Variants in CNTNAP2 observed in about 807,000 individuals in gnomAD.
CNTNAP2 encodes the protein contactin-associated protein-like 2.
In CNTNAP2, 98 loss-of-function variants were observed where a neutral mutation model predicts 155.2. The observed-to-expected ratio is 0.63, with a 90% CI of 0.54 to 0.75. The LOEUF is 0.75. Ranked by LOEUF, CNTNAP2 falls within the 30% of genes least tolerant of loss-of-function variation. CNTNAP2 has a pLI of 0.00. For synonymous variants in CNTNAP2, 651 were observed against 631.2 expected (o/e 1.03, Z -0.47); for missense variants, 1,727 against 1,688.1 (o/e 1.02, Z -0.40).
intron 1 of CNTNAP2, among the ~76,000 whole-genome samples, chr7:146,136,917 G>T (rs868355414): frequency 5.3e-5 from 8 of 152,180 alleles, no homozygotes; most frequent in African/African-American, 1.7e-4. Context: ...GAAACAGACA[G>T]AATGTTTTAG....
chr7:147,388,845 G>C (rs1487321025), intron 9 of CNTNAP2, among the ~76,000 whole-genome samples: 3 of 152,180 alleles, frequency 2.0e-5, no homozygotes, highest in Non-Finnish European at 2.9e-5. Context: ...ATCCCAAAGT[G>C]CTGAGATTAC....
intron 11 of CNTNAP2, among the ~76,000 whole-genome samples, chr7:147,491,374 C>T (rs1482140462): frequency 1.3e-5 from 2 of 152,140 alleles, no homozygotes. Context: ...TAGTACATTT[C>T]TACTCCTCCC....
At chr7:148,313,416 G>A (rs535267989) in intron 21 of CNTNAP2, among the ~76,000 whole-genome samples, 2 of 151,942 alleles carry the variant, frequency 1.3e-5, no homozygotes, top group Non-Finnish European at 2.9e-5. Flanking sequence ...TGAACAGTCC[G>A]ATTTTCAGTG....
At chr7:147,402,458 G>A (rs1796934050) in intron 10 of CNTNAP2, among the ~76,000 whole-genome samples, 1 of 152,166 alleles carries the variant, frequency 6.6e-6, no homozygotes, top group African/African-American at 2.4e-5. Flanking sequence ...TGTGTTTAAG[G>A]TGACAGCTAT....
chr7:147,920,642 C>T (rs1373727097), intron 14 of CNTNAP2, among the ~76,000 whole-genome samples: 1 of 152,052 alleles, frequency 6.6e-6, no homozygotes. Context: ...ATGTCTGAGT[C>T]CCTGCTATAT....
intron 1 of CNTNAP2, among the ~76,000 whole-genome samples, chr7:146,360,898 A>G (rs1456707815): frequency 2.6e-5 from 4 of 152,204 alleles, no homozygotes; most frequent in African/African-American, 7.2e-5. Flanking sequence ...TGATTCATCA[A>G]TTCGTGGCCT....
intron 4 of CNTNAP2, among the ~76,000 whole-genome samples, chr7:147,078,126 A>ATCAGC (rs1474662306): frequency 3.3e-5 from 5 of 152,332 alleles, no homozygotes; most frequent in Admixed American, 2.6e-4. Context: ...GATATTTTTC[A>ATCAGC]TCAGCACAAA....
chr7:146,721,315 T>C lies in CNTNAP2; in HGVS notation c.98-52956T>C, dbSNP rs940538869. ...ATATTCTATATATGTATTCTATATA[T>C]ATTCTATATATACATTCTATATACA... On this transcript the variant is annotated intron_variant, in intron 1 of 23. Transcript: ENST00000361727. Among the ~76,000 whole-genome samples the C allele has an allele frequency of 3.1e-3, 360 of 117,318 alleles. 15 individuals are homozygous for C. The highest frequency in any genetic ancestry group is 0.011 in the East Asian group (48 of 4,508). The allele number at this position is 117,318 out of a possible 152,430, so 77.0% of individuals were successfully genotyped here. A position where few individuals can be genotyped will look rare whatever the true frequency, so the allele number is the denominator to read the frequency against.
At chr7:146,927,309 T>C (rs1796627728) in intron 3 of CNTNAP2, among the ~76,000 whole-genome samples, 1 of 152,114 alleles carries the variant, frequency 6.6e-6, no homozygotes, top group Non-Finnish European at 1.5e-5. Flanking sequence ...GAAAACTGTA[T>C]TTGCTGAAAG....
intron 1 of CNTNAP2, among the ~76,000 whole-genome samples, chr7:146,450,631 G>C (rs1321737583): frequency 6.6e-6 from 1 of 152,112 alleles, no homozygotes; most frequent in South Asian, 2.1e-4. Flanking sequence ...TATTTTACTG[G>C]TGAAAACAAA....
chr7:146,710,868 T>C (rs1346481005), intron 1 of CNTNAP2, among the ~76,000 whole-genome samples: 1 of 152,042 alleles, frequency 6.6e-6, no homozygotes, highest in Non-Finnish European at 1.5e-5. Flanking sequence ...CACTCATATA[T>C]ATCCGGTCTT....
chr7:146,855,312 C>T (rs1027363327), intron 3 of CNTNAP2, among the ~76,000 whole-genome samples: 1 of 152,042 alleles, frequency 6.6e-6, no homozygotes, highest in Non-Finnish European at 1.5e-5. Flanking sequence ...ATTCTTCAAC[C>T]CAACTATCTC....
At chr7:148,375,803 G>A (rs1798974582) in intron 21 of CNTNAP2, among the ~76,000 whole-genome samples, 1 of 13,930 alleles carries the variant, frequency 7.2e-5, no homozygotes, top group African/African-American at 1.1e-4. Context: ...GACCAACCTG[G>A]CCAAGATGGT....
intron 15 of CNTNAP2, among the ~76,000 whole-genome samples, chr7:148,110,655 T>C (rs1804328266): frequency 6.6e-6 from 1 of 152,044 alleles, no homozygotes. Flanking sequence ...GCTGTGGAGC[T>C]CCAAGAGGCC....
At chr7:148,335,379 G>A (rs1329498230) in intron 21 of CNTNAP2, among the ~76,000 whole-genome samples, 1 of 152,144 alleles carries the variant, frequency 6.6e-6, no homozygotes, top group Non-Finnish European at 1.5e-5. Flanking sequence ...CTCATGATGG[G>A]AGTCTCCTGC....
intron 1 of CNTNAP2, among the ~76,000 whole-genome samples, chr7:146,765,169 A>G (rs917357754): frequency 6.6e-6 from 1 of 152,142 alleles, no homozygotes; most frequent in African/African-American, 2.4e-5. Flanking sequence ...GTCTCAAAAA[A>G]CTCATTTGCT....
intron 13 of CNTNAP2, among the ~76,000 whole-genome samples, chr7:147,850,959 A>G (rs552239498): frequency 1.3e-5 from 2 of 152,366 alleles, no homozygotes; most frequent in African/African-American, 4.8e-5. Flanking sequence ...GCAGAGCAAA[A>G]GAAACTACCA....
At chr7:146,498,794 A>G (rs1797257321) in intron 1 of CNTNAP2, among the ~76,000 whole-genome samples, 1 of 152,124 alleles carries the variant, frequency 6.6e-6, no homozygotes, top group African/African-American at 2.4e-5. Context: ...GATGGTTCAT[A>G]TATCAATTTA....
rs112157136 is a variant in CNTNAP2 at position 147,563,562 on chromosome 7, G to A, written c.1897+1305G>A. On this transcript the variant is annotated intron_variant, in intron 12 of 23. Transcript: ENST00000361727. The stretch of plus-strand genomic sequence containing the variant: ...GAGAATCACTTGATCCCTGGAGGAG[G>A]AGGTTGTAGTGAGCCGAGATCAAGC... Among the ~76,000 whole-genome samples, 326 of 152,126 alleles carry A rather than the reference G, an allele frequency of 2.1e-3. 1 individual carries two copies. The highest frequency in any genetic ancestry group is 7.8e-3 in the African/African-American group (322 of 41,492).
Sources: allele counts gnomAD v4.1 joint callset (sites outside exome capture counted in the v4.1 genomes callset), GRCh38; gene constraint gnomAD v4.1.1; transcripts MANE v1.5; gene names NCBI Gene and HGNC (gene_info 2026-07-23, HGNC 2026-07-21).